The following C19orf44 variants were observed in gnomAD, a reference collection of about 807,000 sequenced individuals.
The protein encoded by C19orf44 is uncharacterized protein C19orf44.
A neutral mutation model predicts 50.7 loss-of-function variants in C19orf44; 43 were observed. The ratio of observed to expected loss-of-function variants is 0.85; its 90% CI spans 0.66 to 1.09. C19orf44 has a LOEUF of 1.09. Ranked by LOEUF, C19orf44 falls within the 50% of genes least tolerant of loss-of-function variation. The probability of loss-of-function intolerance (pLI) is 0.00; values close to 1 mark genes in which losing one functional copy is unlikely to be tolerated. For missense variants in C19orf44, 722 were observed against 836.2 expected (o/e 0.86, Z 1.68); for synonymous variants, 298 against 334.7 (o/e 0.89, Z 1.20).
At chr19:16,515,332 G>A (rs571864626) in intron 7 of C19orf44, among the ~76,000 whole-genome samples, 1 of 152,134 alleles carries the variant, frequency 6.6e-6, no homozygotes, top group Non-Finnish European at 1.5e-5. Flanking sequence ...CTGCACTCCA[G>A]CTCGGGTGAC....
At chr19:16,510,235 C>T (rs2122208359) in intron 5 of C19orf44, 1 of 477,544 alleles carries the variant, frequency 2.1e-6, no homozygotes, top group South Asian at 2.0e-5. Flanking sequence ...AGGGAACCCT[C>T]ATCTCTACTA....
In C19orf44 at chr19:16,501,132, T is replaced by C. The variant is rs370995893; in HGVS notation, c.340T>C (p.Ser114Pro). Residue 114 changes from serine to proline, a missense_variant, in exon 2 of 9, where the codon TCT (serine) becomes CCT (proline). By Grantham distance (74) the Ser-to-Pro change is moderately conservative. Transcript: ENST00000221671. ...IMNRKLQRNL[S>P]DTESDSMTAD... ...GAATCGGAAGCTGCAGAGGAATTTGTCTGACACGGAATCTGACTCAATGAC... is the reference window on the plus strand; with the variant it reads ...GAATCGGAAGCTGCAGAGGAATTTGCCTGACACGGAATCTGACTCAATGAC... 1 of 1,614,106 alleles carries C rather than the reference T, an allele frequency of 6.2e-7. No individual in the cohort carries two copies. The highest frequency in any genetic ancestry group is 1.1e-5 in the South Asian group (1 of 91,078).
intron 6 of C19orf44, 25 bp from the exon 7 acceptor site, chr19:16,514,472 A>G (rs1315243109): frequency 6.4e-7 from 1 of 1,554,432 alleles, no homozygotes; most frequent in Non-Finnish European, 8.7e-7. Context: ...CAGCGAAGCC[A>G]CCGAGTAACG....
intron 8 of C19orf44, chr19:16,518,260 G>T (rs2085565416): frequency 6.6e-6 from 1 of 151,962 alleles, no homozygotes; most frequent in Admixed American, 6.6e-5. Context: ...GCTGGCTGGG[G>T]TCGGGCTCCA....
In C19orf44 at chr19:16,519,318, C is replaced by T. The variant is rs987709346; in HGVS notation, c.*41-776C>T. On this transcript the variant is annotated intron_variant, in intron 8 of 8. Transcript: ENST00000221671. The surrounding 1 kb of genome is among the most constrained non-coding windows in gnomAD (Gnocchi z 6.0). ...CCTTGATGGGGTCCTGGATCCCTTG[C>T]TCCTTCGCACCGAGGCCGCCTGAGC... is the stretch of plus-strand genomic sequence containing the variant. The T allele has an allele frequency of 7.4e-6, 12 of 1,613,336 alleles. No homozygotes were observed. The highest frequency in any genetic ancestry group is 4.0e-5 in the African/African-American group (3 of 74,914).
intron 3 of C19orf44, 129 bp downstream of exon 3, chr19:16,503,509 C>G: frequency 4.4e-6 from 4 of 913,784 alleles, no homozygotes; most frequent in Non-Finnish European, 6.5e-6. Flanking sequence ...TCACACTCAG[C>G]TTTCTAACTT....
intron 3 of C19orf44, among the ~76,000 whole-genome samples, chr19:16,504,503 C>G (rs1305711575): frequency 6.6e-6 from 1 of 152,190 alleles, no homozygotes; most frequent in Non-Finnish European, 1.5e-5. Context: ...CACCTCCCAC[C>G]CCTTACACCA....
chr19:16,504,030 T>G (rs2093433068), intron 3 of C19orf44, among the ~76,000 whole-genome samples: 2 of 152,028 alleles, frequency 1.3e-5, no homozygotes, highest in Non-Finnish European at 2.9e-5. Context: ...ATACAAAAAT[T>G]AACTGGGTGT....
At chr19:16,506,348 C>T (rs1277519603) in intron 3 of C19orf44, among the ~76,000 whole-genome samples, 1 of 151,306 alleles carries the variant, frequency 6.6e-6, no homozygotes, top group Non-Finnish European at 1.5e-5. Flanking sequence ...AAACCCAGCA[C>T]TTTGGGAGGC....
Position 16,500,803 on chromosome 19 carries a change from C to T in C19orf44, c.11C>T (p.Ala4Val). 3 of 1,573,890 alleles carry T rather than the reference C, an allele frequency of 1.9e-6. No individual in the cohort carries two copies. The highest frequency in any genetic ancestry group is 2.6e-6 in the Non-Finnish European group (3 of 1,162,624). The change falls in exon 2 of 9, where the codon GCA becomes GTA. Residue 4 changes from alanine to valine, a missense_variant. Ala to Val is a moderately conservative substitution (Grantham distance 64). Transcript: ENST00000221671. MAS[A>V]RKASRPMRDV... ...CTCTTCCTCCACAGAATGGCTTCTGCAAGGAAAGCCAGCCGTCCCATGCGT... is the reference window on the plus strand; with the variant it reads ...CTCTTCCTCCACAGAATGGCTTCTGTAAGGAAAGCCAGCCGTCCCATGCGT...
Position 16,520,741 on chromosome 19 carries a change from TG to T in C19orf44, c.*689del. The T allele has an allele frequency of 7.4e-7, 1 of 1,356,686 alleles. No individual in the cohort carries two copies. Among genetic ancestry groups the T allele is most frequent in the Admixed American group, 1.7e-5 (1 of 59,632 alleles). 84.0% of individuals were successfully genotyped at this position (1,356,686 alleles called of 1,614,324 possible). A position where few individuals can be genotyped will look rare whatever the true frequency, so the allele number is the denominator to read the frequency against. On this transcript the variant is annotated 3_prime_UTR_variant, in exon 9 of 9. Transcript: ENST00000221671. The surrounding 1 kb of genome is among the most constrained non-coding windows in gnomAD (Gnocchi z 4.0). ...GGCACAGGCTGTGTGAGGGTGGACG[TG>T]ATGAGTGTATCTGGGGTCTGCTCCC...
intron 1 of C19orf44, among the ~76,000 whole-genome samples, chr19:16,499,772 CCT>C (rs1568490965): frequency 6.6e-6 from 1 of 151,880 alleles, no homozygotes; most frequent in East Asian, 1.9e-4. Flanking sequence ...CCATAGCCCC[CCT>C]CTTTCCCAGG....
chr19:16,497,670 A>T (rs1230157082), intron 1 of C19orf44, among the ~76,000 whole-genome samples: 1 of 151,980 alleles, frequency 6.6e-6, no homozygotes, highest in Non-Finnish European at 1.5e-5. Flanking sequence ...CCTTAGCGTG[A>T]TGTATTTGAG....
chr19:16,516,903 A>G (rs934243584), intron 7 of C19orf44, among the ~76,000 whole-genome samples: 1 of 152,218 alleles, frequency 6.6e-6, no homozygotes, highest in Non-Finnish European at 1.5e-5. Context: ...GGCAGAAGCC[A>G]TCTGACTGTG....
At chr19:16,504,007 G>GT (rs1235562256) in intron 3 of C19orf44, among the ~76,000 whole-genome samples, 1 of 152,118 alleles carries the variant, frequency 6.6e-6, no homozygotes, top group Non-Finnish European at 1.5e-5. Context: ...GTGAAACCCT[G>GT]TTTTTACAAA....
Position 16,514,517 on chromosome 19 carries a change from G to A in C19orf44, c.1756G>A (p.Ala586Thr), listed in dbSNP as rs1479181475. 25 of 1,611,398 alleles carry A rather than the reference G, an allele frequency of 1.6e-5. No homozygotes were observed. Among genetic ancestry groups the A allele is most frequent in the Non-Finnish European group, 2.0e-5 (24 of 1,179,438 alleles). ...AIEALTAYSPAVLALHDVLKQ... is the reference protein window; with the variant it reads ...AIEALTAYSPTVLALHDVLKQ... ...GTCAGCCCTGACCGCTTACAGCCCG[G>A]CCGTGCTGGCACTCCATGATGTGCT... Residue 586 changes from alanine (A) to threonine (T), a missense_variant, in exon 7 of 9, where the codon GCC (alanine) becomes ACC (threonine). Physicochemically the swap from Ala to Thr is moderately conservative, Grantham distance 58 (BLOSUM62 0). Coordinates refer to ENST00000221671, the MANE Select transcript of C19orf44 (RefSeq NM_032207.4).
At position 16,520,377 on chromosome 19, in the gene C19orf44, G is replaced by C; in HGVS notation, c.*324G>C. 1.2e-6 allele frequency: 2 copies of C among 1,613,920 alleles called. No homozygotes were observed. Among genetic ancestry groups the C allele is most frequent in the Non-Finnish European group, 8.5e-7 (1 of 1,179,940 alleles). Reference sequence around the variant, plus strand: ...GCCTCTGCCTACCTAGATCTGGAGCGGGAGTAGGAACGGGAGCAGGAGCGC... The same window carrying C: ...GCCTCTGCCTACCTAGATCTGGAGCCGGAGTAGGAACGGGAGCAGGAGCGC... On this transcript the variant is annotated 3_prime_UTR_variant, in exon 9 of 9. Coordinates refer to ENST00000221671, the MANE Select transcript of C19orf44 (RefSeq NM_032207.4). This position sits in a 1 kb window ranked among gnomAD's most constrained non-coding sequence, Gnocchi z 4.0.
At chr19:16,513,925 A>C (rs10413118) in intron 6 of C19orf44, among the ~76,000 whole-genome samples, 67,713 of 151,968 alleles carry the variant, frequency 0.45, 17,204 homozygotes, top group African/African-American at 0.71. Context: ...AGTGGAGCCA[A>C]TAAAGGCTTG....
chr19:16,509,322 G>T (rs188483474), intron 4 of C19orf44, among the ~76,000 whole-genome samples, 177 bp from the exon 5 acceptor site: 3 of 152,108 alleles, frequency 2.0e-5, no homozygotes, highest in African/African-American at 7.2e-5. Flanking sequence ...TGGACATGCC[G>T]TACTGAAGAC....
Sources: allele counts gnomAD v4.1 joint callset (sites outside exome capture counted in the v4.1 genomes callset), GRCh38; gene constraint gnomAD v4.1.1; non-coding constraint Gnocchi (gnomAD v3.1); transcripts MANE v1.5; gene names NCBI Gene and HGNC (gene_info 2026-07-23, HGNC 2026-07-21).